The following KATNAL2 variants were observed in gnomAD, a reference collection of about 807,000 sequenced individuals.
KATNAL2 encodes the protein katanin catalytic subunit A1 like 2.
A neutral mutation model predicts 76.3 loss-of-function variants in KATNAL2; 52 were observed. That is an observed-to-expected ratio of 0.68 (90% confidence interval 0.55 to 0.86). The LOEUF (loss-of-function observed/expected upper bound fraction) is 0.86, where lower values mean the gene tolerates loss of function less well. KATNAL2 is among the 40% of genes least tolerant of loss of function. KATNAL2 has a pLI of 0.00. For missense variants in KATNAL2, 660 were observed against 668.9 expected (o/e 0.99, Z 0.15); for synonymous variants, 243 against 244.2 (o/e 1.00, Z 0.05).
chr18:46,952,393 GTTTTTTT>G lies in KATNAL2; in HGVS notation c.51+5488_51+5494del, dbSNP rs35596537. 1.2e-4 allele frequency among the ~76,000 whole-genome samples: 8 copies of G among 64,422 alleles called. No homozygotes were observed. In the Admixed American group the frequency reaches 1.5e-3, roughly 12 times the overall value. 42.3% of individuals were successfully genotyped at this position (64,422 alleles called of 152,430 possible). On this transcript the variant is annotated intron_variant, in intron 3 of 17. Transcript: ENST00000683218. ...GCCATTGCACTCAGCCTGCAGGTAT[GTTTTTTT>G]TTTTTTTTTTTTTTTTTGAGATGGA...
intron 16 of KATNAL2, 76 bp downstream of exon 16, chr18:47,099,481 T>G: frequency 1.4e-6 from 2 of 1,384,528 alleles, no homozygotes; most frequent in Non-Finnish European, 1.9e-6. Context: ...GGTCTTACCA[T>G]GAGCTGATAG....
intron 3 of KATNAL2, among the ~76,000 whole-genome samples, chr18:46,967,832 T>C (rs1320838259): frequency 7.8e-5 from 9 of 115,114 alleles, no homozygotes; most frequent in African/African-American, 3.0e-4. Flanking sequence ...AGATTGGGAT[T>C]GATTCTTTGC....
At chr18:46,957,249 C>CTTTTTTT (rs1223846865) in intron 3 of KATNAL2, among the ~76,000 whole-genome samples, 48 of 73,904 alleles carry the variant, frequency 6.5e-4, no homozygotes, top group Admixed American at 9.2e-4. Flanking sequence ...TTGCCCTCTT[C>CTTTTTTT]TTTTTTTTTT....
At chr18:47,080,127 C>G (rs905427845) in intron 15 of KATNAL2, among the ~76,000 whole-genome samples, 7 of 152,156 alleles carry the variant, frequency 4.6e-5, no homozygotes, top group African/African-American at 1.7e-4. Flanking sequence ...TTTGGTAACC[C>G]TGAAATATAG....
chr18:47,062,823 A>C, intron 8 of KATNAL2, 149 bp from the exon 9 acceptor site: 1 of 549,738 alleles, frequency 1.8e-6, no homozygotes, highest in Non-Finnish European at 3.2e-6. Context: ...ATCACGTTTA[A>C]TACTAGTGCT....
intron 15 of KATNAL2, 112 bp from the exon 16 acceptor site, chr18:47,099,131 C>T: frequency 9.9e-7 from 1 of 1,010,370 alleles, no homozygotes; most frequent in Non-Finnish European, 1.5e-6. Flanking sequence ...TGTAGAGTGA[C>T]AGTTAAAATG....
intron 3 of KATNAL2, chr18:47,033,446 G>A: frequency 1.9e-6 from 3 of 1,613,922 alleles, no homozygotes; most frequent in Non-Finnish European, 2.5e-6. Context: ...CGCAGGTACT[G>A]CTCCCTCCAA....
At chr18:47,036,680 G>T (rs1224636275) in intron 3 of KATNAL2, among the ~76,000 whole-genome samples, 1 of 152,156 alleles carries the variant, frequency 6.6e-6, no homozygotes, top group East Asian at 1.9e-4. Context: ...TTAATTTTCA[G>T]TGACAATTAT....
chr18:47,091,115 C>T (rs2062981853), intron 15 of KATNAL2: 1 of 152,216 alleles, frequency 6.6e-6, no homozygotes, highest in Non-Finnish European at 1.5e-5. Context: ...TTGGAATGAT[C>T]TCTGTCCCAG....
intron 15 of KATNAL2, among the ~76,000 whole-genome samples, chr18:47,090,048 A>AAAGTGCTGGC (rs1599852766): frequency 6.6e-6 from 1 of 152,192 alleles, no homozygotes; most frequent in East Asian, 1.9e-4. Context: ...TCGGCCTCCC[A>AAAGTGCTGGC]AAGTGCTGGC....
At chr18:47,066,736 C>G (rs1252330657) in intron 10 of KATNAL2, among the ~76,000 whole-genome samples, 1 of 150,098 alleles carries the variant, frequency 6.7e-6, no homozygotes, top group African/African-American at 2.5e-5. Context: ...TTTTTTTTCT[C>G]TCTGAAAAAT....
intron 1 of KATNAL2, among the ~76,000 whole-genome samples, chr18:46,944,722 G>A (rs541332281): frequency 2.6e-5 from 4 of 152,066 alleles, no homozygotes; most frequent in East Asian, 3.9e-4. Flanking sequence ...GCAACAGAGC[G>A]AGACTTCGTC....
At chr18:47,045,799 T>C (rs1234199955) in intron 3 of KATNAL2, among the ~76,000 whole-genome samples, 1 of 152,238 alleles carries the variant, frequency 6.6e-6, no homozygotes, top group Non-Finnish European at 1.5e-5. Context: ...CATGACTATT[T>C]TGTGAATACA....
chr18:46,950,995 C>T (rs1033562904), intron 3 of KATNAL2, among the ~76,000 whole-genome samples: 1 of 152,082 alleles, frequency 6.6e-6, no homozygotes, highest in African/African-American at 2.4e-5. Context: ...TGTTCATACT[C>T]CTGAAGCTTG....
intron 10 of KATNAL2, among the ~76,000 whole-genome samples, chr18:47,065,896 T>TC (rs1271957427): frequency 6.6e-6 from 1 of 151,794 alleles, no homozygotes; most frequent in Non-Finnish European, 1.5e-5. Context: ...GCCCGGGAGG[T>TC]TGAGGCTGCA....
intron 1 of KATNAL2, among the ~76,000 whole-genome samples, chr18:46,932,293 C>A (rs955751629): frequency 1.3e-5 from 2 of 152,030 alleles, no homozygotes; most frequent in African/African-American, 4.8e-5. Flanking sequence ...ATAGATTCTG[C>A]AGAAATTTTA....
At chr18:46,954,565 G>A (rs572826765) in intron 3 of KATNAL2, among the ~76,000 whole-genome samples, 3 of 151,812 alleles carry the variant, frequency 2.0e-5, no homozygotes, top group Admixed American at 6.6e-5. Context: ...TCTTGACCTC[G>A]TGATCTGCCC....
At position 47,059,721 on chromosome 18, in the gene KATNAL2, A is replaced by G. The variant is rs947052909; in HGVS notation, c.549+67A>G. On this transcript the variant is annotated intron_variant, in intron 8 of 17. Transcript: ENST00000683218. The stretch of plus-strand genomic sequence containing the variant: ...CTTTTTCCTTTTAAACATGAAAACA[A>G]AAAACATTATTTTTGTCAAACAGGA... 10 of 1,142,804 alleles carry G rather than the reference A, an allele frequency of 8.8e-6. No individual in the cohort carries two copies. In the Admixed American group the frequency reaches 1.4e-4, roughly 16 times the overall value. The allele number at this position is 1,142,804 out of a possible 1,614,324, so 70.8% of individuals were successfully genotyped here.
intron 3 of KATNAL2, among the ~76,000 whole-genome samples, chr18:47,041,770 C>T (rs528987595): frequency 8.6e-4 from 131 of 152,250 alleles, no homozygotes; most frequent in African/African-American, 2.9e-3. Flanking sequence ...TATGGTTAGT[C>T]TTTACTTTAA....
Sources: allele counts gnomAD v4.1 joint callset (sites outside exome capture counted in the v4.1 genomes callset), GRCh38; gene constraint gnomAD v4.1.1; transcripts MANE v1.5; gene names NCBI Gene and HGNC (gene_info 2026-07-23, HGNC 2026-07-21).